The following CGNL1 variants were observed in gnomAD, a reference collection of about 807,000 sequenced individuals.
CGNL1 encodes cingulin like 1, also known as cingulin-like protein 1.
CGNL1 carries 132 observed loss-of-function variants against 141.2 expected under a neutral mutation model. The observed-to-expected ratio is 0.93, with a 90% CI of 0.81 to 1.08. The LOEUF (loss-of-function observed/expected upper bound fraction) is 1.08, where lower values mean the gene tolerates loss of function less well. Among genes scored for constraint, CGNL1 ranks in the 50% least tolerant of loss-of-function variants. The pLI, the probability that CGNL1 is intolerant of heterozygous loss-of-function variation, is 0.00. For synonymous variants in CGNL1, 690 were observed against 622.1 expected, an observed-to-expected ratio of 1.11 and a Z score of -1.63; for missense variants, 1,870 against 1,588.6, an observed-to-expected ratio of 1.18 and a Z score of -3.01.
At chr15:57,403,547 G>A (rs1336863701) in intron 1 of CGNL1, among the ~76,000 whole-genome samples, 1 of 152,196 alleles carries the variant, frequency 6.6e-6, no homozygotes, top group Non-Finnish European at 1.5e-5. Context: ...CTGCCCTCCT[G>A]TGTGCCCACT....
intron 6 of CGNL1, 39 bp from the exon 7 acceptor site, chr15:57,453,643 GC>G (rs1218894775): frequency 6.2e-7 from 1 of 1,610,350 alleles, no homozygotes; most frequent in African/African-American, 1.3e-5. Flanking sequence ...AATAAGCAGA[GC>G]CCAGAAGAGC....
At chr15:57,498,794 C>G (rs970135095) in intron 8 of CGNL1, among the ~76,000 whole-genome samples, 1 of 151,826 alleles carries the variant, frequency 6.6e-6, no homozygotes, top group Non-Finnish European at 1.5e-5. Context: ...CAGGCAGACA[C>G]GCAGAGGCCC....
intron 1 of CGNL1, among the ~76,000 whole-genome samples, chr15:57,385,823 T>TGGGCCA (rs201331143): frequency 1.1e-4 from 16 of 152,352 alleles, no homozygotes; most frequent in East Asian, 9.7e-4. Flanking sequence ...TGGCATCTAA[T>TGGGCCA]GGGCCAAGGC....
rs1390350296 is a variant in CGNL1 at position 57,376,516 on chromosome 15, G to C, written c.-67G>C. On this transcript the variant is annotated 5_prime_UTR_variant, in exon 1 of 19. Transcript: ENST00000281282. ...GCGCCGCGGCCCTTGCACTCCGGCC[G>C]GGCTCTGCTGGCTGCGGCGGGAGCT... 2 of 152,196 alleles carry C rather than the reference G, an allele frequency of 1.3e-5. No homozygotes were observed. The highest frequency in any genetic ancestry group is 4.8e-5 in the African/African-American group (2 of 41,308). 9.4% of individuals were successfully genotyped at this position (152,196 alleles called of 1,614,324 possible).
intron 8 of CGNL1, among the ~76,000 whole-genome samples, chr15:57,501,670 A>G (rs2064026915): frequency 6.6e-6 from 1 of 152,206 alleles, no homozygotes; most frequent in Non-Finnish European, 1.5e-5. Context: ...ACAATTTGCC[A>G]GCAAAAGGGA....
rs146847331 is a variant in CGNL1 at position 57,430,909 on chromosome 15, A to G, written c.-15-7076A>G. 2.5e-3 allele frequency among the ~76,000 whole-genome samples: 381 copies of G among 152,112 alleles called. 4 individuals are homozygous for G. The highest frequency in any genetic ancestry group is 8.9e-3 in the African/African-American group (370 of 41,484). On this transcript the variant is annotated intron_variant, in intron 1 of 18. Transcript: ENST00000281282. ...CTCATGTTTTATATTTTTAGTAAAG[A>G]TGGGATTTTGCTATGTTGGCCAGGC...
chr15:57,492,411 G>C (rs764374239), intron 8 of CGNL1, among the ~76,000 whole-genome samples: 1 of 152,160 alleles, frequency 6.6e-6, no homozygotes, highest in East Asian at 1.9e-4. Context: ...CATTTGCAAG[G>C]AAACTTTGTG....
intron 1 of CGNL1, among the ~76,000 whole-genome samples, chr15:57,386,275 C>T (rs1329706142): frequency 2.0e-5 from 3 of 152,174 alleles, no homozygotes; most frequent in African/African-American, 4.8e-5. Context: ...TTGTGAGCCT[C>T]GCTTTTCTCC....
At chr15:57,406,014 G>C (rs190450679) in intron 1 of CGNL1, 1 of 152,172 alleles carries the variant, frequency 6.6e-6, no homozygotes, top group Non-Finnish European at 1.5e-5. Flanking sequence ...TCACCCTAAG[G>C]ATACAGCAGG....
chr15:57,412,421 G>C (rs2062799989), intron 1 of CGNL1, among the ~76,000 whole-genome samples: 1 of 152,150 alleles, frequency 6.6e-6, no homozygotes, highest in African/African-American at 2.4e-5. Context: ...GGCCTCTTTG[G>C]TGTGATTATC....
chr15:57,491,070 A>G (rs1409342591), intron 8 of CGNL1, among the ~76,000 whole-genome samples: 1 of 152,146 alleles, frequency 6.6e-6, no homozygotes, highest in African/African-American at 2.4e-5. Context: ...GAGTGGGATC[A>G]AGAGTCAGAA....
At chr15:57,429,187 G>C (rs1459892338) in intron 1 of CGNL1, among the ~76,000 whole-genome samples, 2 of 152,172 alleles carry the variant, frequency 1.3e-5, no homozygotes, top group Admixed American at 1.3e-4. Context: ...CCCTGAGTTT[G>C]AGTAGCTTTT....
rs79423004 is a variant in CGNL1 at position 57,381,108 on chromosome 15, C to T, written c.-16+4541C>T. 3.3e-3 allele frequency among the ~76,000 whole-genome samples: 495 copies of T among 152,272 alleles called. 3 individuals carry two copies. The highest frequency in any genetic ancestry group is 0.011 in the African/African-American group (461 of 41,550). ...AATAACCTCATGGTTATAATAGTTACTATTTGTTTATTGACTGCCTTTCAA... is the reference window on the plus strand; with the variant it reads ...AATAACCTCATGGTTATAATAGTTATTATTTGTTTATTGACTGCCTTTCAA... On this transcript the variant is annotated intron_variant, in intron 1 of 18. Coordinates refer to ENST00000281282, the MANE Select transcript of CGNL1 (RefSeq NM_032866.5).
At chr15:57,501,656 AG>A (rs1317804489) in intron 8 of CGNL1, among the ~76,000 whole-genome samples, 1 of 152,172 alleles carries the variant, frequency 6.6e-6, no homozygotes, top group Non-Finnish European at 1.5e-5. Flanking sequence ...CCAGAAGTCA[AG>A]GTACAATTTG....
chr15:57,456,086 T>G (rs1439298839), intron 7 of CGNL1, among the ~76,000 whole-genome samples: 2 of 152,198 alleles, frequency 1.3e-5, no homozygotes, highest in Admixed American at 1.3e-4. Context: ...CAGCAACACT[T>G]AAACTATGAT....
At chr15:57,476,337 T>C (rs1299556538) in intron 8 of CGNL1, among the ~76,000 whole-genome samples, 1 of 152,206 alleles carries the variant, frequency 6.6e-6, no homozygotes, top group African/African-American at 2.4e-5. Context: ...AACCAAAGTA[T>C]GTCTTGTTCT....
intron 1 of CGNL1, among the ~76,000 whole-genome samples, chr15:57,408,909 G>A (rs1327104447): frequency 6.6e-6 from 1 of 152,078 alleles, no homozygotes; most frequent in African/African-American, 2.4e-5. Context: ...AGGCATGGTG[G>A]TGTGCGCCTG....
At chr15:57,448,217 G>A (rs1249212920) in intron 4 of CGNL1, among the ~76,000 whole-genome samples, 3 of 152,166 alleles carry the variant, frequency 2.0e-5, no homozygotes, top group African/African-American at 4.8e-5. Flanking sequence ...GGCTGAGGTA[G>A]GAGGATCACT....
At chr15:57,411,139 G>A (rs1374584601) in intron 1 of CGNL1, among the ~76,000 whole-genome samples, 1 of 152,146 alleles carries the variant, frequency 6.6e-6, no homozygotes, top group Non-Finnish European at 1.5e-5. Flanking sequence ...GTCATATGTT[G>A]GACTCCATCC....
Sources: gnomAD v4.1 joint callset for allele counts (sites outside exome capture counted in the v4.1 genomes callset) on GRCh38, gnomAD v4.1.1 for gene constraint, MANE v1.5 for transcripts, NCBI Gene and HGNC (gene_info 2026-07-23, HGNC 2026-07-21) for gene names.